The following ZNF385B variants were observed in gnomAD, a reference collection of about 807,000 sequenced individuals.
The protein encoded by ZNF385B is zinc finger protein 385B.
ZNF385B carries 23 observed loss-of-function variants against 39.2 expected under a neutral mutation model. The observed-to-expected ratio is 0.59, with a 90% CI of 0.42 to 0.83. ZNF385B has a LOEUF of 0.83. ZNF385B is among the 40% of genes least tolerant of loss of function. The pLI is 0.00. For synonymous variants in ZNF385B, 205 were observed against 222.6 expected (o/e 0.92, Z 0.70); for missense variants, 552 against 598.9 (o/e 0.92, Z 0.82).
At chr2:179,632,729 C>T (rs1296823634) in intron 3 of ZNF385B, among the ~76,000 whole-genome samples, 2 of 151,860 alleles carry the variant, frequency 1.3e-5, no homozygotes, top group East Asian at 3.9e-4. Flanking sequence ...GATGGAGACA[C>T]AAAAAAACCC....
chr2:179,709,942 C>T (rs749243157), intron 3 of ZNF385B, among the ~76,000 whole-genome samples: 1 of 152,184 alleles, frequency 6.6e-6, no homozygotes, highest in Non-Finnish European at 1.5e-5. Context: ...GTGTGACCTA[C>T]GGCATCCCCA....
At chr2:179,822,051 C>G (rs1295657007) in intron 1 of ZNF385B, among the ~76,000 whole-genome samples, 1 of 152,142 alleles carries the variant, frequency 6.6e-6, no homozygotes, top group African/African-American at 2.4e-5. Flanking sequence ...AAATGATCAC[C>G]TTCAAAGAAG....
At chr2:179,541,365 T>C (rs1393621791) in intron 4 of ZNF385B, among the ~76,000 whole-genome samples, 1 of 152,172 alleles carries the variant, frequency 6.6e-6, no homozygotes, top group African/African-American at 2.4e-5. Context: ...TACAATAAGA[T>C]CTCATTTCAT....
chr2:179,715,267 G>A (rs969318757), intron 3 of ZNF385B, among the ~76,000 whole-genome samples: 2 of 152,100 alleles, frequency 1.3e-5, no homozygotes, highest in African/African-American at 4.8e-5. Flanking sequence ...CACCACCATA[G>A]GTGATGACTT....
intron 6 of ZNF385B, among the ~76,000 whole-genome samples, chr2:179,478,808 C>A (rs183476313): frequency 6.6e-6 from 1 of 152,150 alleles, no homozygotes; most frequent in East Asian, 1.9e-4. Context: ...TTTCTGGAGG[C>A]TCTGTATTTT....
At chr2:179,451,105 TGGGGGGA>T (rs1559240276) in intron 6 of ZNF385B, among the ~76,000 whole-genome samples, 1 of 46,234 alleles carries the variant, frequency 2.2e-5, no homozygotes, top group Non-Finnish European at 3.9e-5. Context: ...TGTTGTGAGG[TGGGGGGA>T]GGGGGGAGGG....
chr2:179,719,455 GT>G (rs1700543917), intron 3 of ZNF385B, among the ~76,000 whole-genome samples: 1 of 152,116 alleles, frequency 6.6e-6, no homozygotes, highest in Non-Finnish European at 1.5e-5. Flanking sequence ...TTTACACTAT[GT>G]TTTCCCCAGA....
Position 179,443,542 on chromosome 2 carries a change from T to A in ZNF385B, c.1243-74A>T, listed in dbSNP as rs373115450. 5.4e-6 allele frequency: 6 copies of A among 1,105,666 alleles called. No homozygotes were observed. The African/African-American group carries it at 9.4e-5, about 17-fold the overall frequency. 68.5% of individuals were successfully genotyped at this position (1,105,666 alleles called of 1,614,324 possible). On this transcript the variant is annotated intron_variant, in intron 9 of 9. Coordinates refer to ENST00000410066, the MANE Select transcript of ZNF385B (RefSeq NM_152520.6). The stretch of plus-strand genomic sequence containing the variant: ...TAACAGCACCACAGGCATCTTTTCA[T>A]AAGTAAAACACCAACATTAAGAAGT...
At chr2:179,801,459 T>G (rs1166888660) in intron 1 of ZNF385B, among the ~76,000 whole-genome samples, 3 of 152,082 alleles carry the variant, frequency 2.0e-5, no homozygotes, top group Non-Finnish European at 4.4e-5. Context: ...GCATATTTGT[T>G]GGTGTACACA....
At chr2:179,638,123 A>G (rs1316574179) in intron 3 of ZNF385B, among the ~76,000 whole-genome samples, 1 of 152,212 alleles carries the variant, frequency 6.6e-6, no homozygotes, top group Non-Finnish European at 1.5e-5. Context: ...AAAGATGAAT[A>G]AATTCGAGAG....
intron 1 of ZNF385B, among the ~76,000 whole-genome samples, chr2:179,818,166 G>T (rs1230342268): frequency 6.6e-6 from 1 of 152,154 alleles, no homozygotes; most frequent in Non-Finnish European, 1.5e-5. Context: ...GAACTAGAGA[G>T]ACTTTTTATT....
chr2:179,814,586 C>T (rs758111901), intron 1 of ZNF385B: 11 of 719,124 alleles, frequency 1.5e-5, no homozygotes, highest in East Asian at 9.6e-5. Context: ...AGGAGATGGT[C>T]GACATCATAG....
intron 6 of ZNF385B, among the ~76,000 whole-genome samples, chr2:179,462,960 C>T (rs59353132): frequency 0.033 from 5,007 of 151,890 alleles, 277 homozygotes; most frequent in African/African-American, 0.11. Flanking sequence ...TAATCACACA[C>T]AATTATTTTA....
chr2:179,805,146 C>G (rs1226387363), intron 1 of ZNF385B, among the ~76,000 whole-genome samples: 1 of 152,028 alleles, frequency 6.6e-6, no homozygotes, highest in Non-Finnish European at 1.5e-5. Flanking sequence ...TTCTTGGAAC[C>G]CGGCCACTGT....
chr2:179,623,470 C>A (rs1690392397), intron 3 of ZNF385B, among the ~76,000 whole-genome samples: 1 of 152,066 alleles, frequency 6.6e-6, no homozygotes, highest in African/African-American at 2.4e-5. Context: ...CATATTTTAT[C>A]CCCCTTCCCT....
chr2:179,452,478 G>A (rs1236011358), intron 6 of ZNF385B, among the ~76,000 whole-genome samples: 1 of 151,906 alleles, frequency 6.6e-6, no homozygotes. Flanking sequence ...GCATATGGAA[G>A]AGTCATGTCC....
chr2:179,777,769 G>GTTTTTTT (rs71029831), intron 1 of ZNF385B, among the ~76,000 whole-genome samples: 2 of 143,712 alleles, frequency 1.4e-5, no homozygotes, highest in Non-Finnish European at 3.0e-5. Flanking sequence ...ATATCAAGAG[G>GTTTTTTT]TTTTTTTTTT....
chr2:179,761,578 C>A (rs1319450056), intron 3 of ZNF385B, among the ~76,000 whole-genome samples: 4 of 148,610 alleles, frequency 2.7e-5, no homozygotes, highest in Non-Finnish European at 4.5e-5. Context: ...ATATAATATG[C>A]AATTGATTTT....
At chr2:179,743,587 T>C (rs906320060) in intron 3 of ZNF385B, among the ~76,000 whole-genome samples, 2 of 152,052 alleles carry the variant, frequency 1.3e-5, no homozygotes, top group Non-Finnish European at 2.9e-5. Context: ...TGCATATCCA[T>C]TACCACAATG....
Sources: gnomAD v4.1 joint callset for allele counts (sites outside exome capture counted in the v4.1 genomes callset) on GRCh38, gnomAD v4.1.1 for gene constraint, MANE v1.5 for transcripts, NCBI Gene and HGNC (gene_info 2026-07-23, HGNC 2026-07-21) for gene names.